Variants in NCAM1 observed in about 807,000 individuals in gnomAD.
The protein encoded by NCAM1 is antigen recognized by monoclonal antibody 5.1H11.
NCAM1 carries 14 observed loss-of-function variants against 109.8 expected under a neutral mutation model. The ratio of observed to expected loss-of-function variants is 0.13; its 90% confidence interval spans 0.08 to 0.20. NCAM1 has a LOEUF of 0.20. Ranked by LOEUF, NCAM1 falls within the 10% of genes least tolerant of loss-of-function variation. NCAM1 has a pLI of 1.00. For missense variants in NCAM1, 774 were observed against 1,109.9 expected, an observed-to-expected ratio of 0.70 and a Z score of 4.30; for synonymous variants, 418 against 442.9, an observed-to-expected ratio of 0.94 and a Z score of 0.70.
intron 1 of NCAM1, among the ~76,000 whole-genome samples, chr11:113,194,133 G>A (rs1943781304): frequency 6.6e-6 from 1 of 152,126 alleles, no homozygotes; most frequent in African/African-American, 2.4e-5. Flanking sequence ...AAGAAATAGA[G>A]CCTCCTGCTT....
chr11:113,199,829 T>TAAAAAAA (rs1555111558), intron 1 of NCAM1, among the ~76,000 whole-genome samples: 15 of 115,738 alleles, frequency 1.3e-4, no homozygotes, highest in South Asian at 9.2e-4. Flanking sequence ...GAAACACCCT[T>TAAAAAAA]AAAAAAAAAA....
chr11:112,979,807 A>G (rs189332106), intron 1 of NCAM1, among the ~76,000 whole-genome samples: 1 of 151,880 alleles, frequency 6.6e-6, no homozygotes, highest in Non-Finnish European at 1.5e-5. Context: ...TTTAGAATGT[A>G]TACTTCATTT....
chr11:113,255,336 G>A (rs1037143890), intron 15 of NCAM1, among the ~76,000 whole-genome samples: 4 of 152,026 alleles, frequency 2.6e-5, no homozygotes, highest in Admixed American at 1.3e-4. Flanking sequence ...ATAAAATGTC[G>A]TTCATGAAAA....
chr11:113,154,827 G>A (rs1215362486), intron 1 of NCAM1, among the ~76,000 whole-genome samples: 1 of 152,192 alleles, frequency 6.6e-6, no homozygotes, highest in East Asian at 1.9e-4. Flanking sequence ...ATGACACAAA[G>A]AAGAAGGTGC....
chr11:113,236,175 T>C (rs1945161720), intron 14 of NCAM1: 3 of 925,056 alleles, frequency 3.2e-6, no homozygotes, highest in Non-Finnish European at 5.0e-6. Context: ...AGTAATTTGA[T>C]AATTTGAGTT....
chr11:112,971,567 T>C (rs1950883394), intron 1 of NCAM1, among the ~76,000 whole-genome samples: 1 of 152,090 alleles, frequency 6.6e-6, no homozygotes, highest in African/African-American at 2.4e-5. Context: ...TTTGAAATGG[T>C]ATCTCACTGT....
At chr11:113,270,116 G>C in intron 17 of NCAM1, 72 bp from the exon 18 acceptor site, 4 of 1,477,858 alleles carry the variant, frequency 2.7e-6, no homozygotes, top group South Asian at 2.3e-5. Flanking sequence ...ACCCGCAGGG[G>C]CTTTTGCTGG....
intron 17 of NCAM1, chr11:113,264,603 C>T (rs1211528362): frequency 3.0e-6 from 3 of 985,504 alleles, no homozygotes; most frequent in Non-Finnish European, 3.6e-6. Context: ...AGTCACACGG[C>T]TTCATCCTAG....
Position 113,206,058 on chromosome 11 carries a change from T to A in NCAM1, c.506T>A (p.Leu169Gln). The A allele has an allele frequency of 6.2e-7, 1 of 1,614,008 alleles. No individual in the cohort carries two copies. Among genetic ancestry groups the A allele is most frequent in the Non-Finnish European group, 8.5e-7 (1 of 1,179,884 alleles). ...ILKKDVRFIV[L>Q]SNNYLQIRGI... ...TCTCTTCTAGTCCGATTCATAGTCC[T>A]GTCCAACAACTACCTGCAGATCCGG... is the stretch of plus-strand genomic sequence containing the variant. Residue 169 changes from leucine (L) to glutamine (Q), a missense_variant, in exon 5 of 20, where the codon CTG becomes CAG. Physicochemically the swap from Leu to Gln is moderately radical, Grantham distance 113. Coordinates refer to ENST00000316851, the MANE Select transcript of NCAM1 (RefSeq NM_181351.5).
At chr11:113,227,175 A>T (rs1199413166) in intron 9 of NCAM1, among the ~76,000 whole-genome samples, 1 of 152,238 alleles carries the variant, frequency 6.6e-6, no homozygotes, top group Non-Finnish European at 1.5e-5. Flanking sequence ...CAACATTGAC[A>T]GACCACTAGC....
intron 15 of NCAM1, among the ~76,000 whole-genome samples, chr11:113,252,078 C>T (rs1945694893): frequency 6.6e-6 from 1 of 152,210 alleles, no homozygotes; most frequent in Non-Finnish European, 1.5e-5. Flanking sequence ...CCAAGTCGGT[C>T]AAAATCTCTG....
chr11:113,151,411 T>C (rs1468557940), intron 1 of NCAM1, among the ~76,000 whole-genome samples: 1 of 152,194 alleles, frequency 6.6e-6, no homozygotes, highest in Non-Finnish European at 1.5e-5. Context: ...CCTGAAAGCA[T>C]TGCCTGTAAG....
At chr11:113,055,622 T>C (rs1953669586) in intron 1 of NCAM1, among the ~76,000 whole-genome samples, 1 of 152,172 alleles carries the variant, frequency 6.6e-6, no homozygotes, top group East Asian at 1.9e-4. Flanking sequence ...TACTCCAAGA[T>C]GGCCCCTGTG....
intron 9 of NCAM1, among the ~76,000 whole-genome samples, chr11:113,226,376 GCTAA>G (rs1432540183): frequency 6.6e-6 from 1 of 152,184 alleles, no homozygotes; most frequent in Non-Finnish European, 1.5e-5. Flanking sequence ...AACAAGAAGA[GCTAA>G]CTAACCTAAA....
At chr11:113,091,478 G>T (rs1308703811) in intron 1 of NCAM1, among the ~76,000 whole-genome samples, 2 of 152,194 alleles carry the variant, frequency 1.3e-5, no homozygotes, top group African/African-American at 2.4e-5. Context: ...ATAATAACTG[G>T]AAATTAGACA....
intron 1 of NCAM1, among the ~76,000 whole-genome samples, chr11:112,995,249 G>A (rs782532996): frequency 8.5e-5 from 13 of 152,134 alleles, no homozygotes; most frequent in Non-Finnish European, 1.9e-4. Context: ...GAGATTTATG[G>A]TGGATTTGAT....
At chr11:113,229,220 C>G (rs1336594701) in intron 9 of NCAM1, among the ~76,000 whole-genome samples, 1 of 149,422 alleles carries the variant, frequency 6.7e-6, no homozygotes, top group African/African-American at 2.4e-5. Flanking sequence ...CTACAATGAA[C>G]TCAAACAAAT....
intron 1 of NCAM1, among the ~76,000 whole-genome samples, chr11:113,066,570 C>T (rs965580708): frequency 6.6e-6 from 1 of 152,134 alleles, no homozygotes; most frequent in Non-Finnish European, 1.5e-5. Flanking sequence ...ACCTTCAAAT[C>T]GCATACTCCT....
chr11:113,005,296 A>G (rs1287203980), intron 1 of NCAM1, among the ~76,000 whole-genome samples: 1 of 152,196 alleles, frequency 6.6e-6, no homozygotes, highest in East Asian at 1.9e-4. Flanking sequence ...AGAACATACC[A>G]AAAAGCCACA....
Sources: allele counts gnomAD v4.1 joint callset (sites outside exome capture counted in the v4.1 genomes callset), GRCh38; gene constraint gnomAD v4.1.1; transcripts MANE v1.5; gene names NCBI Gene and HGNC (gene_info 2026-07-23, HGNC 2026-07-21).